The following GALNT13 variants were observed in gnomAD, a reference collection of about 807,000 sequenced individuals.
GALNT13 encodes polypeptide N-acetylgalactosaminyltransferase 13.
In GALNT13, 28 loss-of-function variants were observed where a neutral mutation model predicts 64.2. The observed-to-expected ratio is 0.44, with a 90% CI of 0.32 to 0.60. The LOEUF (loss-of-function observed/expected upper bound fraction) is 0.60. GALNT13 is among the 20% of genes least tolerant of loss of function. The pLI, the probability that GALNT13 is intolerant of heterozygous loss-of-function variation, is 0.05. For synonymous variants in GALNT13, 214 were observed against 224.6 expected, an observed-to-expected ratio of 0.95 and a Z score of 0.42; for missense variants, 577 against 669.8, an observed-to-expected ratio of 0.86 and a Z score of 1.53.
intron 6 of GALNT13, 29 bp downstream of exon 6, chr2:154,242,934 G>A: frequency 1.3e-6 from 2 of 1,567,010 alleles, no homozygotes; most frequent in Non-Finnish European, 1.8e-6. Flanking sequence ...TGTCTGCCTG[G>A]GTTATGACTG....
At chr2:154,343,127 T>C (rs72999339) in intron 9 of GALNT13, among the ~76,000 whole-genome samples, 16,777 of 151,980 alleles carry the variant, frequency 0.11, 1,354 homozygotes, top group African/African-American at 0.23. Context: ...ACAAACCCTG[T>C]CCTGCCCTTT....
At chr2:153,815,393 T>A in the GALNT13 span, among the ~76,000 whole-genome samples, 1 of 152,202 alleles carries the variant, frequency 6.6e-6, no homozygotes, top group African/African-American at 2.4e-5. Flanking sequence ...TAAACTCAGG[T>A]GAAGTGCCTG....
In GALNT13 at chr2:153,872,113, AAGAG is replaced by A. The variant is rs1685988129; in HGVS notation, c.-362_-359del. 2.6e-5 allele frequency: 4 copies of A among 151,762 alleles called. No homozygotes were observed. Among genetic ancestry groups the A allele is most frequent in the Admixed American group, 2.6e-4 (4 of 15,270 alleles). The allele number at this position is 151,762 out of a possible 1,614,324, so 9.4% of individuals were successfully genotyped here. ...CTCCCTCTGCTCGCGGGCAAGTGTG[AAGAG>A]AGAGGCGCGGGCGGGAGCCGGGGCT... On this transcript the variant is annotated 5_prime_UTR_variant, in exon 1 of 13. Transcript: ENST00000392825.
chr2:153,661,061 C>A, the GALNT13 span, among the ~76,000 whole-genome samples: 1 of 151,824 alleles, frequency 6.6e-6, no homozygotes, highest in African/African-American at 2.4e-5. Context: ...GCTTCAGCAG[C>A]GTACAAATCT....
the GALNT13 span, among the ~76,000 whole-genome samples, chr2:153,251,860 C>T: frequency 2.0e-5 from 3 of 151,848 alleles, no homozygotes; most frequent in Admixed American, 1.3e-4. Context: ...TTTCTTAATC[C>T]AGTCTATCAT....
intron 3 of GALNT13, among the ~76,000 whole-genome samples, chr2:154,133,779 G>A (rs553608052): frequency 1.3e-5 from 2 of 151,414 alleles, no homozygotes; most frequent in East Asian, 1.9e-4. Context: ...ATAGACTAAC[G>A]GAGGAATGAA....
At chr2:153,566,347 C>CGTTTTTTT in the GALNT13 span, among the ~76,000 whole-genome samples, 23 of 76,412 alleles carry the variant, frequency 3.0e-4, no homozygotes, top group African/African-American at 1.2e-3. Flanking sequence ...CTTCTAATCA[C>CGTTTTTTT]GTTTTTTTTT....
At chr2:153,321,232 TC>T in the GALNT13 span, among the ~76,000 whole-genome samples, 23 of 152,332 alleles carry the variant, frequency 1.5e-4, no homozygotes, top group African/African-American at 4.8e-4. Flanking sequence ...ATGAACAATG[TC>T]CAGATTGTAC....
intron 4 of GALNT13, among the ~76,000 whole-genome samples, chr2:154,141,389 C>T (rs1485131841): frequency 6.6e-6 from 1 of 152,036 alleles, no homozygotes; most frequent in Non-Finnish European, 1.5e-5. Context: ...TACCTTAAAA[C>T]ACAAGCATAC....
intron 3 of GALNT13, among the ~76,000 whole-genome samples, chr2:154,027,591 T>G (rs1698062232): frequency 6.6e-6 from 1 of 152,130 alleles, no homozygotes; most frequent in Non-Finnish European, 1.5e-5. Context: ...GAAATAAGCT[T>G]AGAACTGTTT....
the GALNT13 span, among the ~76,000 whole-genome samples, chr2:153,853,771 T>C: frequency 6.6e-6 from 1 of 150,392 alleles, no homozygotes; most frequent in South Asian, 2.1e-4. Context: ...TATATAAATA[T>C]AATATACACT....
At chr2:154,353,872 G>A (rs1462670417) in intron 9 of GALNT13, among the ~76,000 whole-genome samples, 2 of 152,134 alleles carry the variant, frequency 1.3e-5, no homozygotes, top group Admixed American at 6.5e-5. Flanking sequence ...CAGTGAACAT[G>A]GGAATGAAGA....
chr2:154,063,605 C>T (rs898755654), intron 3 of GALNT13, among the ~76,000 whole-genome samples: 6 of 152,078 alleles, frequency 3.9e-5, no homozygotes, highest in African/African-American at 1.2e-4. Flanking sequence ...GATTCAGAAT[C>T]AATGGCCCCA....
the GALNT13 span, among the ~76,000 whole-genome samples, chr2:153,755,746 C>A: frequency 6.6e-6 from 1 of 151,754 alleles, no homozygotes; most frequent in African/African-American, 2.4e-5. Context: ...TTATTTTTTT[C>A]TTTAACTAGA....
intron 11 of GALNT13, among the ~76,000 whole-genome samples, chr2:154,416,574 T>C (rs1700015515): frequency 6.6e-6 from 1 of 152,174 alleles, no homozygotes; most frequent in Non-Finnish European, 1.5e-5. Flanking sequence ...TCCTAGTCAA[T>C]AATAAACACT....
chr2:153,340,810 A>G, the GALNT13 span, among the ~76,000 whole-genome samples: 2 of 152,216 alleles, frequency 1.3e-5, no homozygotes, highest in South Asian at 4.1e-4. Context: ...AATGCTTTTT[A>G]ACTTTGACAT....
the GALNT13 span, among the ~76,000 whole-genome samples, chr2:153,393,185 A>T: frequency 9.7e-4 from 148 of 152,216 alleles, no homozygotes; most frequent in African/African-American, 3.5e-3. Context: ...ATAGTATGCC[A>T]AAAACCTCCC....
chr2:153,086,115 AGAG>A, the GALNT13 span, among the ~76,000 whole-genome samples: 1 of 152,212 alleles, frequency 6.6e-6, no homozygotes, highest in African/African-American at 2.4e-5. Context: ...CCTATTTGGA[AGAG>A]GTGTATTTAT....
the GALNT13 span, among the ~76,000 whole-genome samples, chr2:153,498,648 T>C: frequency 1.3e-5 from 2 of 152,182 alleles, no homozygotes; most frequent in Non-Finnish European, 2.9e-5. Context: ...GTCCAGAAGC[T>C]TGGAGATGAC....
Sources: gnomAD v4.1 joint callset for allele counts (sites outside exome capture counted in the v4.1 genomes callset) on GRCh38, gnomAD v4.1.1 for gene constraint, MANE v1.5 for transcripts, NCBI Gene and HGNC (gene_info 2026-07-23, HGNC 2026-07-21) for gene names.